EIF3H: variants seen among roughly 807,000 people sequenced by gnomAD.
The protein encoded by EIF3H is eukaryotic translation initiation factor 3 subunit H.
In EIF3H, 26 loss-of-function variants were observed where a neutral mutation model predicts 44.2. That is an observed-to-expected ratio of 0.59 (90% confidence interval 0.43 to 0.82). The LOEUF is 0.82. EIF3H is among the 40% of genes least tolerant of loss of function. The pLI, the probability that EIF3H is intolerant of heterozygous loss-of-function variation, is 0.00. For synonymous variants in EIF3H, 166 were observed against 151.9 expected, an observed-to-expected ratio of 1.09 and a Z score of -0.68; for missense variants, 359 against 432.8, an observed-to-expected ratio of 0.83 and a Z score of 1.51.
At chr8:116,716,405 C>G (rs1371627537) in intron 2 of EIF3H, among the ~76,000 whole-genome samples, 1 of 152,044 alleles carries the variant, frequency 6.6e-6, no homozygotes. Context: ...ACTACCTATT[C>G]TGATACTTCC....
intron 1 of EIF3H, among the ~76,000 whole-genome samples, chr8:116,753,156 T>C (rs1815387069): frequency 6.6e-6 from 1 of 152,158 alleles, no homozygotes; most frequent in Non-Finnish European, 1.5e-5. Context: ...CAATATAATC[T>C]AGCTGCCTAA....
intron 2 of EIF3H, among the ~76,000 whole-genome samples, chr8:116,672,681 G>C (rs1452224890): frequency 1.3e-5 from 2 of 151,960 alleles, no homozygotes; most frequent in Non-Finnish European, 2.9e-5. Context: ...CAGTGGTCAG[G>C]AGAGGGAGAA....
intron 1 of EIF3H, among the ~76,000 whole-genome samples, chr8:116,746,844 G>A (rs554855873): frequency 6.6e-6 from 1 of 152,252 alleles, no homozygotes; most frequent in East Asian, 1.9e-4. Context: ...AGATAATCCT[G>A]CATAACTGGT....
intron 2 of EIF3H, among the ~76,000 whole-genome samples, chr8:116,690,200 A>T (rs1814150211): frequency 6.6e-6 from 1 of 152,150 alleles, no homozygotes; most frequent in African/African-American, 2.4e-5. Context: ...GATCTCAGAG[A>T]TGACAAACCT....
intron 1 of EIF3H, among the ~76,000 whole-genome samples, chr8:116,732,946 GGAGT>G (rs1586482982): frequency 1.3e-5 from 2 of 152,070 alleles, no homozygotes; most frequent in Non-Finnish European, 2.9e-5. Flanking sequence ...CTATCTTCCT[GGAGT>G]TAGTGTCAGA....
chr8:116,681,235 C>T (rs1184352207), intron 2 of EIF3H, among the ~76,000 whole-genome samples: 1 of 151,938 alleles, frequency 6.6e-6, no homozygotes, highest in South Asian at 2.1e-4. Context: ...TGGTGGAGCA[C>T]GCCTGTAGTC....
intron 5 of EIF3H, among the ~76,000 whole-genome samples, chr8:116,654,524 G>T (rs930927511): frequency 3.3e-5 from 5 of 152,176 alleles, no homozygotes; most frequent in African/African-American, 1.2e-4. Context: ...AACCTTGTAT[G>T]CTGAAAAAGG....
intron 2 of EIF3H, among the ~76,000 whole-genome samples, chr8:116,683,261 C>A (rs1301620648): frequency 1.3e-5 from 2 of 152,172 alleles, no homozygotes; most frequent in Non-Finnish European, 1.5e-5. Context: ...GACAAGGTGG[C>A]TTAAATAACA....
At chr8:116,742,121 A>G (rs1376781630) in intron 1 of EIF3H, among the ~76,000 whole-genome samples, 3 of 152,114 alleles carry the variant, frequency 2.0e-5, no homozygotes, top group Non-Finnish European at 2.9e-5. Context: ...CCTGACACAC[A>G]TGGGATTAGT....
chr8:116,706,771 C>T (rs1471088287), intron 2 of EIF3H, among the ~76,000 whole-genome samples: 1 of 152,196 alleles, frequency 6.6e-6, no homozygotes, highest in Non-Finnish European at 1.5e-5. Context: ...TCTTGAACTC[C>T]TGGCCTCATG....
At chr8:116,751,221 AT>A (rs1170925895) in intron 1 of EIF3H, among the ~76,000 whole-genome samples, 3 of 147,094 alleles carry the variant, frequency 2.0e-5, no homozygotes, top group African/African-American at 5.3e-5. Context: ...CAAAAAAAAA[AT>A]AAAATAAAAT....
Position 116,742,714 on chromosome 8 carries a change from C to T in EIF3H, c.132+12952G>A, listed in dbSNP as rs183376771. Among the ~76,000 whole-genome samples, 499 of 152,272 alleles carry T rather than the reference C, an allele frequency of 3.3e-3. 3 individuals are homozygous for T. Among genetic ancestry groups the T allele is most frequent in the Non-Finnish European group, 5.2e-3 (354 of 68,010 alleles). ...GCACTCTCATTATAATTTGTTTCTGCCTCCTTGCTAAGGTAAGTGCAGAAG... is the reference window on the plus strand; with the variant it reads ...GCACTCTCATTATAATTTGTTTCTGTCTCCTTGCTAAGGTAAGTGCAGAAG... On this transcript the variant is annotated intron_variant, in intron 1 of 7. Coordinates refer to ENST00000521861, the MANE Select transcript of EIF3H (RefSeq NM_003756.3).
chr8:116,734,204 AT>A, intron 1 of EIF3H: 1 of 447,624 alleles, frequency 2.2e-6, no homozygotes, highest in South Asian at 1.6e-5. Context: ...AGGAAAATTA[AT>A]GTGATTACAG....
At chr8:116,723,166 C>T (rs1261483934) in intron 2 of EIF3H, among the ~76,000 whole-genome samples, 1 of 152,186 alleles carries the variant, frequency 6.6e-6, no homozygotes, top group Non-Finnish European at 1.5e-5. Context: ...GATTCTACTT[C>T]CAACTGTGCC....
At chr8:116,725,148 T>C (rs1814813388) in intron 2 of EIF3H, among the ~76,000 whole-genome samples, 1 of 152,202 alleles carries the variant, frequency 6.6e-6, no homozygotes, top group South Asian at 2.1e-4. Context: ...GGATGAACTT[T>C]TAGGACATTA....
intron 5 of EIF3H, among the ~76,000 whole-genome samples, chr8:116,653,288 C>G (rs1234482294): frequency 6.6e-6 from 1 of 150,512 alleles, no homozygotes; most frequent in Non-Finnish European, 1.5e-5. Flanking sequence ...AATATGTGGA[C>G]TTTAAGCATT....
At chr8:116,766,323 T>C (rs1380047876), upstream of EIF3H, 18 of 383,336 alleles carry the variant, frequency 4.7e-5, 1 homozygote, top group Admixed American at 6.8e-4. Flanking sequence ...AGACTGCGCA[T>C]GTGCGCCCCC....
intron 2 of EIF3H, among the ~76,000 whole-genome samples, chr8:116,720,104 A>AT (rs1814720611): frequency 6.6e-6 from 1 of 152,236 alleles, no homozygotes; most frequent in East Asian, 1.9e-4. Flanking sequence ...AACTGTGCAG[A>AT]TTAACAACTA....
At chr8:116,652,560 A>C (rs1247645804) in intron 5 of EIF3H, among the ~76,000 whole-genome samples, 1 of 152,224 alleles carries the variant, frequency 6.6e-6, no homozygotes. Flanking sequence ...TTAGGGGTTA[A>C]AAGTCATGTC....
Sources: gnomAD v4.1 joint callset for allele counts (sites outside exome capture counted in the v4.1 genomes callset) on GRCh38, gnomAD v4.1.1 for gene constraint, MANE v1.5 for transcripts, NCBI Gene and HGNC (gene_info 2026-07-23, HGNC 2026-07-21) for gene names.